Variants in HKDC1 observed in about 807,000 individuals in gnomAD.
HKDC1 encodes the protein hexokinase domain containing 1.
In HKDC1, 66 loss-of-function variants were observed where a neutral mutation model predicts 96.6. That is an observed-to-expected ratio of 0.68 (90% CI 0.56 to 0.84). HKDC1 has a LOEUF of 0.84. HKDC1 is among the 40% of genes least tolerant of loss of function. HKDC1 has a pLI of 0.00. For missense variants in HKDC1, 1,211 were observed against 1,208.1 expected, an observed-to-expected ratio of 1.00 and a Z score of -0.04; for synonymous variants, 466 against 473.1, an observed-to-expected ratio of 0.98 and a Z score of 0.20.
rs1453501741 is a variant in HKDC1, at chr10:69,233,114, G to A, written c.476G>A (p.Arg159Gln). The change falls in exon 4 of 18, where the codon CGA becomes CAA. Residue 159 changes from arginine to glutamine, a missense_variant. Transcript: ENST00000354624. The part of the protein sequence containing the change: ...PLGLTFSFPC[R>Q]QTKLEEGVLL... ...GGCCTAACTTTTTCTTTCCCCTGTC[G>A]ACAGACTAAACTGGAAGAGGTAAGG... 3 of 1,613,872 alleles carry A rather than the reference G, an allele frequency of 1.9e-6. No homozygotes were observed. Among genetic ancestry groups the A allele is most frequent in the South Asian group, 1.1e-5 (1 of 91,074 alleles).
At chr10:69,248,272 C>G in intron 9 of HKDC1, 152 bp from the exon 10 acceptor site, 1 of 759,038 alleles carries the variant, frequency 1.3e-6, no homozygotes, top group Non-Finnish European at 2.1e-6. Flanking sequence ...TCCCTCCCTC[C>G]TCTCATCCCC....
intron 6 of HKDC1, among the ~76,000 whole-genome samples, chr10:69,242,923 A>T (rs2132352711): frequency 6.6e-6 from 1 of 152,346 alleles, no homozygotes. Flanking sequence ...ATCCATATTC[A>T]TCAGCGGACT....
intron 12 of HKDC1, among the ~76,000 whole-genome samples, chr10:69,254,019 C>T (rs1843683003): frequency 6.6e-6 from 1 of 152,152 alleles, no homozygotes; most frequent in Non-Finnish European, 1.5e-5. Context: ...AAGATTTTGT[C>T]CAGGGCCAGG....
chr10:69,243,130 G>A (rs1177655227), intron 6 of HKDC1, 52 bp from the exon 7 acceptor site: 1 of 1,570,496 alleles, frequency 6.4e-7, no homozygotes. Flanking sequence ...TTCTCTGTCT[G>A]TGCCCAGCTG....
At chr10:69,252,382 A>G (rs183414025) in intron 12 of HKDC1, among the ~76,000 whole-genome samples, 9 of 152,224 alleles carry the variant, frequency 5.9e-5, no homozygotes, top group Admixed American at 5.9e-4. Context: ...GCGGTGGCTC[A>G]TGCCTATAAT....
chr10:69,229,313 A>G (rs986596175), intron 2 of HKDC1, among the ~76,000 whole-genome samples: 1 of 152,172 alleles, frequency 6.6e-6, no homozygotes, highest in Non-Finnish European at 1.5e-5. Flanking sequence ...AGGCCCTGGG[A>G]CACTGCACTG....
At chr10:69,223,436 T>A (rs1229070180) in intron 1 of HKDC1, among the ~76,000 whole-genome samples, 1 of 152,210 alleles carries the variant, frequency 6.6e-6, no homozygotes, top group Non-Finnish European at 1.5e-5. Flanking sequence ...ATAGATTTCT[T>A]CATTATCATC....
chr10:69,246,346 G>T lies in HKDC1; in HGVS notation c.1031+112G>T. The T allele has an allele frequency of 6.6e-6, 8 of 1,218,898 alleles. No individual in the cohort carries two copies. In the South Asian group the frequency reaches 8.3e-5, roughly 13 times the overall value. 75.5% of individuals were successfully genotyped at this position (1,218,898 alleles called of 1,614,324 possible). Reference sequence around the variant, plus strand: ...GGGACTAGATCCTCCTCCTTCACCAGGAAGATTTCAGACCTGGGCATGGCT... The same window carrying T: ...GGGACTAGATCCTCCTCCTTCACCATGAAGATTTCAGACCTGGGCATGGCT... On this transcript the variant is annotated intron_variant, in intron 8 of 17. Transcript: ENST00000354624.
chr10:69,226,415 G>A (rs1843155701), intron 1 of HKDC1, among the ~76,000 whole-genome samples: 2 of 152,138 alleles, frequency 1.3e-5, no homozygotes, highest in African/African-American at 4.8e-5. Flanking sequence ...GGGAGGCCGA[G>A]GCGTGTGGAT....
Position 69,233,015 on chromosome 10 carries a change from T to A in HKDC1, c.377T>A (p.Leu126Gln). 1 of 1,614,060 alleles carries A rather than the reference T, an allele frequency of 6.2e-7. No homozygotes were observed. Among genetic ancestry groups the A allele is most frequent in the Non-Finnish European group, 8.5e-7 (1 of 1,180,046 alleles). ...TACTTTGCTTTCTCTTCTCTGCAGC[T>A]GTTTGAATATGTAGCTGACTGTCTG... Reference protein sequence around the residue: ...NEIIRGNGTELFEYVADCLAD... With the variant: ...NEIIRGNGTEQFEYVADCLAD... Residue 126 changes from leucine (L) to glutamine (Q), a missense_variant and splice_region_variant, in exon 4 of 18, where the codon CTG (leucine) becomes CAG (glutamine). By Grantham distance (113) the Leu-to-Gln change is moderately radical. Coordinates refer to ENST00000354624, the MANE Select transcript of HKDC1 (RefSeq NM_025130.4).
At chr10:69,241,566 C>A (rs572510574) in intron 6 of HKDC1, among the ~76,000 whole-genome samples, 4 of 152,272 alleles carry the variant, frequency 2.6e-5, no homozygotes, top group East Asian at 1.9e-4. Flanking sequence ...TTACTGCAAC[C>A]TCTGCCTCCC....
intron 15 of HKDC1, 51 bp downstream of exon 15, chr10:69,259,010 T>C (rs757159440): frequency 7.3e-7 from 1 of 1,369,568 alleles, no homozygotes; most frequent in Non-Finnish European, 9.7e-7. Flanking sequence ...TGAACAACAC[T>C]ACCAGACCTA....
intron 4 of HKDC1, among the ~76,000 whole-genome samples, chr10:69,236,120 A>AT (rs11341726): frequency 0.011 from 1,482 of 138,594 alleles, 17 homozygotes; most frequent in African/African-American, 0.025. Context: ...AAGCATTTTG[A>AT]TTTTTTTTTT....
intron 8 of HKDC1, 136 bp downstream of exon 8, chr10:69,246,370 C>A: frequency 1.1e-6 from 1 of 934,416 alleles, no homozygotes; most frequent in Admixed American, 2.5e-5. Context: ...CTGGGCATGG[C>A]TTCAGATGGG....
At chr10:69,225,905 C>T (rs369909686) in intron 1 of HKDC1, 8 of 152,256 alleles carry the variant, frequency 5.3e-5, no homozygotes, top group African/African-American at 1.4e-4. Context: ...TGGACGCACT[C>T]TGTAGACAGT....
chr10:69,264,351 T>C (rs6480393), intron 16 of HKDC1, among the ~76,000 whole-genome samples: 150,593 of 151,750 alleles, frequency 0.99, 74,739 homozygotes, highest in South Asian at 1. Context: ...TTTTCCATGG[T>C]GTGAAATATT....
At chr10:69,233,190 G>A (rs1843300803) in intron 4 of HKDC1, 57 bp downstream of exon 4, 9 of 1,606,986 alleles carry the variant, frequency 5.6e-6, no homozygotes, top group South Asian at 2.2e-5. Context: ...ATGTGGGCAC[G>A]GGTGGGAGTC....
chr10:69,239,607 G>T (rs1200069758), intron 5 of HKDC1, among the ~76,000 whole-genome samples: 1 of 152,186 alleles, frequency 6.6e-6, no homozygotes, highest in African/African-American at 2.4e-5. Context: ...GCGAAAGCAA[G>T]ACTCGCTCCT....
chr10:69,229,878 A>G (rs977356802), intron 2 of HKDC1, among the ~76,000 whole-genome samples: 2 of 152,202 alleles, frequency 1.3e-5, no homozygotes, highest in East Asian at 3.8e-4. Context: ...CATGATTGTC[A>G]GGATTTAATG....
Sources: gnomAD v4.1 joint callset for allele counts (sites outside exome capture counted in the v4.1 genomes callset) on GRCh38, gnomAD v4.1.1 for gene constraint, MANE v1.5 for transcripts, NCBI Gene and HGNC (gene_info 2026-07-23, HGNC 2026-07-21) for gene names.